EIF2AK4: variants seen among roughly 807,000 people sequenced by gnomAD.
EIF2AK4 encodes the protein eukaryotic translation initiation factor 2 alpha kinase 4.
In EIF2AK4, 139 loss-of-function variants were observed where a neutral mutation model predicts 211.1. That is an observed-to-expected ratio of 0.66 (90% CI 0.57 to 0.76). EIF2AK4 has a LOEUF of 0.76. Ranked by LOEUF, EIF2AK4 falls within the 30% of genes least tolerant of loss-of-function variation. EIF2AK4 has a pLI of 0.00. For synonymous variants in EIF2AK4, 710 were observed against 751.3 expected (o/e 0.94, Z 0.90); for missense variants, 1,664 against 2,043.8 (o/e 0.81, Z 3.58).
intron 18 of EIF2AK4, among the ~76,000 whole-genome samples, chr15:39,995,589 G>T (rs7175913): frequency 6.6e-6 from 1 of 151,556 alleles, no homozygotes; most frequent in Non-Finnish European, 1.5e-5. Context: ...TCTTTTTATT[G>T]TAGATACTTT....
chr15:39,954,327 A>C (rs1000692157), intron 5 of EIF2AK4, among the ~76,000 whole-genome samples: 11 of 152,220 alleles, frequency 7.2e-5, no homozygotes, highest in Non-Finnish European at 1.3e-4. Flanking sequence ...ATCTCAGCCC[A>C]CTGTAACCTC....
At chr15:39,970,354 A>G (rs1386876617) in intron 9 of EIF2AK4, among the ~76,000 whole-genome samples, 1 of 152,222 alleles carries the variant, frequency 6.6e-6, no homozygotes, top group African/African-American at 2.4e-5. Context: ...CTTTCAAGTC[A>G]ATAACATTTA....
chr15:39,992,749 C>G lies in EIF2AK4; in HGVS notation c.2687-20C>G, dbSNP rs535333682. On this transcript the variant is annotated intron_variant, in intron 17 of 38. Coordinates refer to ENST00000263791, the MANE Select transcript of EIF2AK4 (RefSeq NM_001013703.4). The stretch of plus-strand genomic sequence containing the variant: ...AAGTGCTATTATTGGGACGTTTTCC[C>G]TCTGTTTTCCTCCACACAGGTCACT... 6.2e-7 allele frequency: 1 copy of G among 1,611,138 alleles called. No homozygotes were observed. Among genetic ancestry groups the G allele is most frequent in the South Asian group, 1.1e-5 (1 of 90,932 alleles).
At chr15:39,971,735 TA>T (rs1181899679) in intron 9 of EIF2AK4, among the ~76,000 whole-genome samples, 1 of 150,272 alleles carries the variant, frequency 6.7e-6, no homozygotes. Context: ...AAATTAAAAT[TA>T]AAAAAAAAGG....
Position 40,016,604 on chromosome 15 carries a change from G to A in EIF2AK4, c.3862G>A (p.Val1288Met), listed in dbSNP as rs767159012. The A allele has an allele frequency of 2.5e-6, 4 of 1,614,118 alleles. No homozygotes were observed. The African/African-American group carries it at 5.3e-5, about 22-fold the overall frequency. Reference protein sequence around the residue: ...IKQKTGIAQLVKYGLKDLEEV... With the variant: ...IKQKTGIAQLMKYGLKDLEEV... ...ACAGAAAACAGGTATTGCACAGTTG[G>A]TGAAGTATGGCTTAAAAGACCTAGA... The change falls in exon 28 of 39, where the codon GTG becomes ATG. Residue 1288 changes from valine (V) to methionine (M), a missense_variant. Val to Met is a conservative substitution (Grantham distance 21). Around this residue, in one of 7 missense-constraint regions of EIF2AK4, gnomAD observed 622 missense variants for 796.8 expected, o/e 0.78. Transcript: ENST00000263791.
At chr15:39,975,333 A>C (rs996685868) in intron 11 of EIF2AK4, 1 of 74,108 alleles carries the variant, frequency 1.3e-5, no homozygotes, top group African/African-American at 5.7e-5. Flanking sequence ...AAAAAAAGAT[A>C]ATCTGAAACT....
chr15:39,946,861 A>AT (rs2034235406), intron 3 of EIF2AK4: 1 of 568,836 alleles, frequency 1.8e-6, no homozygotes, highest in African/African-American at 1.9e-5. Flanking sequence ...GATCATTAGC[A>AT]TTTTTTAGCA....
chr15:40,002,329 G>C, intron 21 of EIF2AK4: 1 of 168,254 alleles, frequency 5.9e-6, no homozygotes, highest in Non-Finnish European at 1.3e-5. Flanking sequence ...CTTTCAACAG[G>C]CCTGCCATGA....
intron 7 of EIF2AK4, among the ~76,000 whole-genome samples, chr15:39,962,410 C>T (rs996541213): frequency 6.6e-6 from 1 of 152,160 alleles, no homozygotes; most frequent in Non-Finnish European, 1.5e-5. Context: ...ACATCATATA[C>T]AGCTAATGCT....
chr15:39,999,616 T>C (rs766188626), intron 20 of EIF2AK4, among the ~76,000 whole-genome samples: 100 of 152,324 alleles, frequency 6.6e-4, no homozygotes, highest in South Asian at 8.3e-4. Flanking sequence ...AATAAAAAGA[T>C]TAAGTACTCT....
At chr15:39,952,618 T>A (rs1162033707) in intron 4 of EIF2AK4, among the ~76,000 whole-genome samples, 1 of 152,116 alleles carries the variant, frequency 6.6e-6, no homozygotes, top group Non-Finnish European at 1.5e-5. Flanking sequence ...GGCTTTCTAA[T>A]TTTCTTCCTA....
At chr15:39,979,386 C>A (rs954370604) in intron 13 of EIF2AK4, among the ~76,000 whole-genome samples, 3 of 152,170 alleles carry the variant, frequency 2.0e-5, no homozygotes, top group African/African-American at 7.2e-5. Context: ...ATGGAAGATT[C>A]ATAAAACATG....
rs369817117 is a variant in EIF2AK4, at chr15:39,934,243, G to A, written c.48G>A (p.Pro16=). The A allele has an allele frequency of 1.8e-4, 284 of 1,607,614 alleles. No homozygotes were observed. Among genetic ancestry groups the A allele is most frequent in the Non-Finnish European group, 2.3e-4 (267 of 1,177,580 alleles). ...GAPGRGRDEP[P]ESYPQRQDHE... ...CCGGGCGCGGCCGGGACGAGCCTCCGGAGAGCTACCCGCAACGACAGGACC... is the reference window on the plus strand; with the variant it reads ...CCGGGCGCGGCCGGGACGAGCCTCCAGAGAGCTACCCGCAACGACAGGACC... The change falls in exon 1 of 39, where the codon CCG becomes CCA. Residue 16 remains proline (P), a synonymous_variant. Transcript: ENST00000263791.
chr15:40,032,357 G>C (rs774453460), intron 36 of EIF2AK4, 120 bp downstream of exon 36: 7 of 785,732 alleles, frequency 8.9e-6, no homozygotes, highest in Non-Finnish European at 1.3e-5. Context: ...GCCTTATTGT[G>C]ATGTGAACTA....
At chr15:40,032,725 G>C (rs1423578925) in intron 36 of EIF2AK4, 32 bp from the exon 37 acceptor site, 2 of 1,606,100 alleles carry the variant, frequency 1.2e-6, no homozygotes, top group South Asian at 1.1e-5. Context: ...TTGTGCTGCT[G>C]AGAGTTGATG....
chr15:39,970,717 C>G (rs1409015288), intron 9 of EIF2AK4, among the ~76,000 whole-genome samples: 1 of 151,952 alleles, frequency 6.6e-6, no homozygotes, highest in African/African-American at 2.4e-5. Context: ...ATGAGACACC[C>G]TAAGTGGAAG....
chr15:40,032,701 G>A, intron 36 of EIF2AK4, 56 bp from the exon 37 acceptor site: 2 of 1,535,046 alleles, frequency 1.3e-6, no homozygotes, highest in Non-Finnish European at 1.8e-6. Flanking sequence ...TGACACTATG[G>A]TCACAAGGCA....
intron 12 of EIF2AK4, 85 bp from the exon 13 acceptor site, chr15:39,977,993 G>A (rs1014757883): frequency 3.3e-6 from 3 of 905,150 alleles, no homozygotes; most frequent in Admixed American, 2.0e-5. Flanking sequence ...GTAGCCTCTT[G>A]TGCTTTCTAG....
chr15:39,941,760 C>T (rs74011716), intron 2 of EIF2AK4, among the ~76,000 whole-genome samples: 10,026 of 152,118 alleles, frequency 0.066, 591 homozygotes, highest in East Asian at 0.24. Context: ...TCCCTGACCT[C>T]TGTCTGCTAG....
Sources: allele counts gnomAD v4.1 joint callset (sites outside exome capture counted in the v4.1 genomes callset), GRCh38; gene constraint gnomAD v4.1.1; regional missense constraint gnomAD v4.1.1; transcripts MANE v1.5; gene names NCBI Gene and HGNC (gene_info 2026-07-23, HGNC 2026-07-21).